CADPS2: variants seen among roughly 807,000 people sequenced by gnomAD.
CADPS2 encodes the protein calcium dependent secretion activator 2.
A neutral mutation model predicts 172.5 loss-of-function variants in CADPS2; 93 were observed. The observed-to-expected ratio is 0.54, with a 90% CI of 0.46 to 0.64. The LOEUF (loss-of-function observed/expected upper bound fraction) is 0.64. Among genes scored for constraint, CADPS2 ranks in the 30% least tolerant of loss-of-function variants. The probability of loss-of-function intolerance (pLI) is 0.00; values close to 1 mark genes in which losing one functional copy is unlikely to be tolerated. For missense variants in CADPS2, 1,420 were observed against 1,565.9 expected (o/e 0.91, Z 1.57); for synonymous variants, 546 against 555.2 (o/e 0.98, Z 0.23).
chr7:122,598,083 C>G (rs554107904), intron 6 of CADPS2, among the ~76,000 whole-genome samples: 1 of 151,942 alleles, frequency 6.6e-6, no homozygotes, highest in African/African-American at 2.4e-5. Context: ...TTCTTAGATT[C>G]CTTACATAAA....
At chr7:122,372,089 C>T (rs62474594) in intron 25 of CADPS2, among the ~76,000 whole-genome samples, 32,423 of 152,022 alleles carry the variant, frequency 0.21, 3,663 homozygotes, top group African/African-American at 0.24. Context: ...CTAATAAATG[C>T]TACTATTATA....
intron 9 of CADPS2, among the ~76,000 whole-genome samples, chr7:122,497,541 C>T (rs568380419): frequency 6.6e-6 from 1 of 152,228 alleles, no homozygotes; most frequent in East Asian, 1.9e-4. Context: ...ATTACCCATT[C>T]CCATCTGTTA....
intron 1 of CADPS2, among the ~76,000 whole-genome samples, chr7:122,822,366 C>A (rs1803572590): frequency 1.3e-5 from 2 of 151,916 alleles, no homozygotes; most frequent in South Asian, 2.1e-4. Context: ...CACCCCTTAC[C>A]ACAAGACCTC....
intron 7 of CADPS2, among the ~76,000 whole-genome samples, chr7:122,565,243 A>T (rs901811751): frequency 6.6e-6 from 1 of 152,008 alleles, no homozygotes; most frequent in Non-Finnish European, 1.5e-5. Context: ...AAAAAAAAAA[A>T]ACTTCCCAAT....
rs991726580 is a variant in CADPS2, at chr7:122,499,424, T to C, written c.1543-8004A>G. ...TCATAACCATTCTAGGTGTTTGTGG[T>C]CTCTAAAGTTTTTCTTTTTTTTCCT... On this transcript the variant is annotated intron_variant, in intron 9 of 29. Transcript: ENST00000449022. Among the ~76,000 whole-genome samples the C allele has an allele frequency of 2.6e-5, 4 of 152,154 alleles. No homozygotes were observed. In the South Asian group the frequency reaches 8.3e-4, roughly 32 times the overall value.
chr7:122,845,018 T>G (rs1003216664), intron 1 of CADPS2, among the ~76,000 whole-genome samples: 1 of 152,264 alleles, frequency 6.6e-6, no homozygotes, highest in African/African-American at 2.4e-5. Flanking sequence ...TTGAGAGACT[T>G]AAAACTTCAA....
At chr7:122,736,611 T>C (rs1215834202) in intron 2 of CADPS2, among the ~76,000 whole-genome samples, 1 of 152,210 alleles carries the variant, frequency 6.6e-6, no homozygotes, top group Non-Finnish European at 1.5e-5. Flanking sequence ...TTGCATAAGA[T>C]AGCAATTTAC....
chr7:122,337,828 AC>A (rs911758537), intron 28 of CADPS2, among the ~76,000 whole-genome samples: 38 of 145,856 alleles, frequency 2.6e-4, no homozygotes, highest in African/African-American at 8.1e-4. Flanking sequence ...CAATATAGAA[AC>A]AGGCTTGACT....
chr7:122,698,121 A>T (rs1425823849), intron 2 of CADPS2: 1 of 1,614,002 alleles, frequency 6.2e-7, no homozygotes, highest in South Asian at 1.1e-5. Flanking sequence ...GAACTATGTC[A>T]TTAGGCTTAT....
At chr7:122,412,360 G>A (rs1464804838) in intron 19 of CADPS2, among the ~76,000 whole-genome samples, 1 of 152,172 alleles carries the variant, frequency 6.6e-6, no homozygotes, top group African/African-American at 2.4e-5. Context: ...ATGCATGCCA[G>A]TTGGAGAGGA....
At chr7:122,877,390 T>C (rs922197179) in intron 1 of CADPS2, among the ~76,000 whole-genome samples, 7 of 152,176 alleles carry the variant, frequency 4.6e-5, no homozygotes, top group Admixed American at 2.0e-4. Flanking sequence ...GTACAAATAC[T>C]GTTCTATTCT....
At chr7:122,729,949 G>A (rs1431841049) in intron 2 of CADPS2, among the ~76,000 whole-genome samples, 1 of 151,616 alleles carries the variant, frequency 6.6e-6, no homozygotes, top group African/African-American at 2.4e-5. Context: ...AGAATCCAAA[G>A]GAAATAAAAT....
At chr7:122,595,057 T>C (rs755263275) in intron 6 of CADPS2, among the ~76,000 whole-genome samples, 1 of 151,956 alleles carries the variant, frequency 6.6e-6, no homozygotes, top group Non-Finnish European at 1.5e-5. Context: ...CAATATGTTA[T>C]GTTCATATTG....
At chr7:122,523,791 A>T (rs1399208857) in intron 8 of CADPS2, among the ~76,000 whole-genome samples, 1 of 152,212 alleles carries the variant, frequency 6.6e-6, no homozygotes, top group Non-Finnish European at 1.5e-5. Flanking sequence ...AAAGTTAAAG[A>T]AAATTAGTAG....
chr7:122,417,112 C>T (rs536141253), intron 17 of CADPS2, among the ~76,000 whole-genome samples: 3 of 152,194 alleles, frequency 2.0e-5, no homozygotes, highest in Non-Finnish European at 4.4e-5. Context: ...ATAGTTTTCC[C>T]TTGATTTACT....
At chr7:122,759,100 A>G (rs1270541494) in intron 1 of CADPS2, among the ~76,000 whole-genome samples, 1 of 152,158 alleles carries the variant, frequency 6.6e-6, no homozygotes, top group African/African-American at 2.4e-5. Flanking sequence ...GTTGAGTAAG[A>G]CAAAAAATTT....
chr7:122,426,285 T>C (rs553916552), intron 17 of CADPS2: 2 of 152,324 alleles, frequency 1.3e-5, no homozygotes, highest in South Asian at 4.1e-4. Flanking sequence ...AGTCTCCCAA[T>C]TGGCAAGTGT....
In CADPS2 at chr7:122,319,995, A is replaced by G; in HGVS notation, c.*170T>C. ...CAAAAAAAGGAAACAAAAAAACCCC[A>G]AAATCTTGGCATTTCCCCTTTTACT... is the stretch of plus-strand genomic sequence containing the variant. On this transcript the variant is annotated 3_prime_UTR_variant, in exon 30 of 30. Coordinates refer to ENST00000449022, the MANE Select transcript of CADPS2 (RefSeq NM_017954.11). The G allele has an allele frequency of 1.6e-6, 1 of 613,470 alleles. No homozygotes were observed. Among genetic ancestry groups the G allele is most frequent in the Non-Finnish European group, 2.4e-6 (1 of 413,798 alleles). The allele number at this position is 613,470 out of a possible 1,614,324, so 38.0% of individuals were successfully genotyped here.
At chr7:122,495,164 A>G in intron 9 of CADPS2, among the ~76,000 whole-genome samples, 1 of 152,298 alleles carries the variant, frequency 6.6e-6, no homozygotes, top group East Asian at 1.9e-4. Context: ...GAAAAGTACA[A>G]TAATACACTA....
Sources: gnomAD v4.1 joint callset for allele counts (sites outside exome capture counted in the v4.1 genomes callset) on GRCh38, gnomAD v4.1.1 for gene constraint, MANE v1.5 for transcripts, NCBI Gene and HGNC (gene_info 2026-07-23, HGNC 2026-07-21) for gene names.